The following MAMDC2 variants were observed in gnomAD, a reference collection of about 807,000 sequenced individuals.
MAMDC2 encodes the protein MAM domain containing 2.
Under a neutral mutation model 89.8 loss-of-function variants are expected in MAMDC2, and 57 were observed. The ratio of observed to expected loss-of-function variants is 0.63; its 90% CI spans 0.51 to 0.79. The LOEUF (loss-of-function observed/expected upper bound fraction) is 0.79, where lower values mean the gene tolerates loss of function less well. Ranked by LOEUF, MAMDC2 falls within the 30% of genes least tolerant of loss-of-function variation. The pLI is 0.00. For missense variants in MAMDC2, 800 were observed against 820.6 expected, an observed-to-expected ratio of 0.97 and a Z score of 0.31; for synonymous variants, 313 against 293.4, an observed-to-expected ratio of 1.07 and a Z score of -0.68.
At chr9:70,125,590 C>T (rs142940347) in intron 5 of MAMDC2, among the ~76,000 whole-genome samples, 139 of 152,312 alleles carry the variant, frequency 9.1e-4, no homozygotes, top group Non-Finnish European at 1.7e-3. Context: ...TGTCGATTGA[C>T]TTGCATGCTA....
intron 2 of MAMDC2, among the ~76,000 whole-genome samples, chr9:70,099,980 AAGAGAGAGAGAGAGAGAGAG>A (rs60292765): frequency 3.5e-5 from 4 of 115,636 alleles, no homozygotes; most frequent in East Asian, 2.7e-4. Context: ...GCCAAAAAGA[AAGAGAGAGAGAGAGAGAGAG>A]AGAGAGAGAG....
chr9:70,093,087 G>A (rs1255445598), intron 2 of MAMDC2, among the ~76,000 whole-genome samples: 1 of 151,986 alleles, frequency 6.6e-6, no homozygotes, highest in Admixed American at 6.5e-5. Context: ...ATGTGTGTGT[G>A]TATATATATT....
In MAMDC2 at chr9:70,126,382, G is replaced by C; in HGVS notation, c.867G>C (p.Ala289=). The C allele has an allele frequency of 6.2e-7, 1 of 1,613,806 alleles. No individual in the cohort carries two copies. Residue 289 remains alanine, a synonymous_variant, in exon 6 of 14, where the codon GCG becomes GCC. Transcript: ENST00000377182. ...DRPGNAAWNL[A]EVEFSAPYPM... is the part of the protein sequence containing the mutation. ...CAGGGAATGCTGCCTGGAACCTTGC[G>C]GAGGTCGAGTTCAGTGCTCCTTACC...
chr9:70,130,520 C>A (rs780003969), intron 6 of MAMDC2, among the ~76,000 whole-genome samples: 1 of 152,148 alleles, frequency 6.6e-6, no homozygotes, highest in Non-Finnish European at 1.5e-5. Context: ...CATCTGATTC[C>A]CCCATGGTCA....
At chr9:70,122,508 A>G (rs945918162) in intron 5 of MAMDC2, among the ~76,000 whole-genome samples, 2 of 152,106 alleles carry the variant, frequency 1.3e-5, no homozygotes, top group African/African-American at 4.8e-5. Context: ...TGGGAAAGAG[A>G]TTTCCTGGGA....
At chr9:70,192,169 C>T (rs115465820) in intron 11 of MAMDC2, among the ~76,000 whole-genome samples, 89 of 152,212 alleles carry the variant, frequency 5.8e-4, no homozygotes, top group African/African-American at 1.9e-3. Flanking sequence ...CTTGATCCCT[C>T]ATGTCCTTGC....
intron 2 of MAMDC2, among the ~76,000 whole-genome samples, chr9:70,054,365 G>A (rs774980579): frequency 3.2e-4 from 49 of 152,096 alleles, no homozygotes; most frequent in Admixed American, 2.4e-3. Context: ...GGAAGAACCG[G>A]GCATGTATGA....
intron 2 of MAMDC2, among the ~76,000 whole-genome samples, chr9:70,067,268 G>C (rs1053705903): frequency 6.6e-6 from 1 of 152,180 alleles, no homozygotes; most frequent in African/African-American, 2.4e-5. Flanking sequence ...ACCAGGGGAG[G>C]CTGCTTTCCA....
At chr9:70,121,779 A>ACCT (rs1391131148) in intron 5 of MAMDC2, among the ~76,000 whole-genome samples, 1 of 151,712 alleles carries the variant, frequency 6.6e-6, no homozygotes, top group African/African-American at 2.4e-5. Context: ...GCCAGATAGG[A>ACCT]GTGTTGGGTT....
At chr9:70,105,810 C>T (rs1042760771) in intron 2 of MAMDC2, 1 of 152,116 alleles carries the variant, frequency 6.6e-6, no homozygotes, top group Admixed American at 6.5e-5. Context: ...TTTTATGGCA[C>T]TCACTGAAAA....
At chr9:70,210,723 C>T (rs1489015243) in intron 11 of MAMDC2, among the ~76,000 whole-genome samples, 1 of 152,180 alleles carries the variant, frequency 6.6e-6, no homozygotes, top group African/African-American at 2.4e-5. Context: ...TTCTTCCTAG[C>T]ATTGATGGTC....
At chr9:70,115,142 A>G (rs1424672315) in intron 5 of MAMDC2, among the ~76,000 whole-genome samples, 1 of 152,144 alleles carries the variant, frequency 6.6e-6, no homozygotes, top group Non-Finnish European at 1.5e-5. Flanking sequence ...CAGGGGAGAG[A>G]CACCATCACA....
chr9:70,111,960 T>C (rs1828521837), intron 4 of MAMDC2, among the ~76,000 whole-genome samples: 1 of 152,198 alleles, frequency 6.6e-6, no homozygotes, highest in African/African-American at 2.4e-5. Flanking sequence ...AAGGGCTGCT[T>C]GACAAGACTT....
intron 7 of MAMDC2, among the ~76,000 whole-genome samples, chr9:70,132,448 G>A (rs777954172): frequency 1.1e-4 from 17 of 151,952 alleles, no homozygotes; most frequent in Non-Finnish European, 1.9e-4. Context: ...TGAACTTGGC[G>A]TTTGAGGTCT....
At chr9:70,215,344 C>G (rs2033425355) in intron 11 of MAMDC2, among the ~76,000 whole-genome samples, 2 of 152,166 alleles carry the variant, frequency 1.3e-5, no homozygotes, top group African/African-American at 4.8e-5. Flanking sequence ...AGAACACTGA[C>G]AGGTTTTTTT....
chr9:70,143,692 A>G lies in MAMDC2; in HGVS notation c.1277A>G (p.Asp426Gly). The part of the protein sequence containing the change: ...YAIYGFLKMS[D>G]TLAVYIFEEN... ...ATCTATGGATTTTTAAAAATGAGTG[A>G]CACCCTAGCAGTTTACATCTTTGAA... The change falls in exon 9 of 14, where the codon GAC becomes GGC. Residue 426 changes from aspartate to glycine, a missense_variant. Asp to Gly is a moderately conservative substitution (Grantham distance 94). Coordinates refer to ENST00000377182, the MANE Select transcript of MAMDC2 (RefSeq NM_153267.5). The G allele has an allele frequency of 1.2e-6, 2 of 1,614,186 alleles. No homozygotes were observed. Among genetic ancestry groups the G allele is most frequent in the South Asian group, 1.1e-5 (1 of 91,082 alleles).
intron 9 of MAMDC2, among the ~76,000 whole-genome samples, chr9:70,149,028 CAAAA>C (rs58600001): frequency 1.4e-5 from 1 of 70,650 alleles, no homozygotes; most frequent in Non-Finnish European, 2.7e-5. Flanking sequence ...GACTCTGTCT[CAAAA>C]AAAAAAAAAA....
In MAMDC2 at chr9:70,104,711, T is replaced by C. The variant is rs866837635; in HGVS notation, c.149-3500T>C. Among the ~76,000 whole-genome samples, 11 of 152,276 alleles carry C rather than the reference T, an allele frequency of 7.2e-5. 1 individual carries two copies. The South Asian group carries it at 1.0e-3, about 14-fold the overall frequency. The stretch of plus-strand genomic sequence containing the variant: ...AAGGGACACATATTATATAATTCTA[T>C]TTATATAAAGTTTCCAGAATAGGCA... On this transcript the variant is annotated intron_variant, in intron 2 of 13. Coordinates refer to ENST00000377182, the MANE Select transcript of MAMDC2 (RefSeq NM_153267.5).
intron 12 of MAMDC2, among the ~76,000 whole-genome samples, chr9:70,224,554 C>T (rs544142865): frequency 9.8e-5 from 15 of 152,288 alleles, no homozygotes; most frequent in South Asian, 2.1e-4. Flanking sequence ...CAGAAGCAGA[C>T]GGGTGTCCCA....
Sources: allele counts gnomAD v4.1 joint callset (sites outside exome capture counted in the v4.1 genomes callset), GRCh38; gene constraint gnomAD v4.1.1; transcripts MANE v1.5; gene names NCBI Gene and HGNC (gene_info 2026-07-23, HGNC 2026-07-21).